CPED1: variants seen among roughly 807,000 people sequenced by gnomAD.
CPED1 encodes the protein cadherin like and PC-esterase domain containing 1, also known as cadherin-like and PC-esterase domain-containing protein 1.
CPED1 carries 114 observed loss-of-function variants against 128.2 expected under a neutral mutation model. The observed-to-expected ratio is 0.89, with a 90% CI of 0.76 to 1.04. The LOEUF is 1.04. Ranked by LOEUF, CPED1 falls within the 50% of genes least tolerant of loss-of-function variation. The pLI, the probability that CPED1 is intolerant of heterozygous loss-of-function variation, is 0.00. For missense variants in CPED1, 1,211 were observed against 1,207.1 expected, an observed-to-expected ratio of 1.00 and a Z score of -0.05; for synonymous variants, 462 against 426.7, an observed-to-expected ratio of 1.08 and a Z score of -1.02.
chr7:120,993,147 A>C (rs1387585249), intron 2 of CPED1, among the ~76,000 whole-genome samples: 3 of 152,244 alleles, frequency 2.0e-5, no homozygotes, highest in Admixed American at 6.5e-5. Context: ...TTTCAATTTA[A>C]TATATAAACA....
chr7:121,038,420 A>G (rs1201780296), intron 3 of CPED1, among the ~76,000 whole-genome samples: 1 of 152,156 alleles, frequency 6.6e-6, no homozygotes, highest in Non-Finnish European at 1.5e-5. Context: ...CATGTTACAT[A>G]AAAAGTAATT....
intron 16 of CPED1, among the ~76,000 whole-genome samples, chr7:121,180,974 T>A (rs904785909): frequency 1.3e-5 from 2 of 152,072 alleles, no homozygotes; most frequent in Non-Finnish European, 2.9e-5. Context: ...GGGCTTCATT[T>A]CATCTCTAAA....
intron 2 of CPED1, chr7:120,994,007 T>C (rs1464247683): frequency 1.4e-5 from 4 of 281,406 alleles, no homozygotes; most frequent in Non-Finnish European, 3.0e-5. Context: ...CAATCAGTAC[T>C]GTGAGTAGGA....
chr7:121,277,040 G>A (rs1029733774), intron 22 of CPED1, among the ~76,000 whole-genome samples: 2 of 152,072 alleles, frequency 1.3e-5, no homozygotes, highest in African/African-American at 4.8e-5. Flanking sequence ...GTGAGAGATT[G>A]TAAAGTTCCA....
intron 16 of CPED1, among the ~76,000 whole-genome samples, chr7:121,235,675 A>G (rs1798236906): frequency 6.6e-6 from 1 of 152,166 alleles, no homozygotes; most frequent in Non-Finnish European, 1.5e-5. Flanking sequence ...CTGGTTCCAT[A>G]TGTGAGTGGA....
chr7:121,118,815 A>G (rs1036918320), intron 7 of CPED1, among the ~76,000 whole-genome samples: 10 of 152,158 alleles, frequency 6.6e-5, no homozygotes, highest in African/African-American at 2.4e-4. Flanking sequence ...TGGTGAAAAC[A>G]GTAGCAAGAG....
At chr7:121,148,426 A>C (rs1186870599) in intron 16 of CPED1, among the ~76,000 whole-genome samples, 1 of 152,174 alleles carries the variant, frequency 6.6e-6, no homozygotes, top group Non-Finnish European at 1.5e-5. Context: ...CCAACCTTGA[A>C]CATAGGTGAT....
At chr7:121,220,450 T>A (rs935329518) in intron 16 of CPED1, among the ~76,000 whole-genome samples, 7 of 152,030 alleles carry the variant, frequency 4.6e-5, no homozygotes, top group African/African-American at 1.7e-4. Flanking sequence ...TACAGGCTGC[T>A]TGTCCTTCAT....
intron 5 of CPED1, among the ~76,000 whole-genome samples, chr7:121,090,827 T>C (rs1467360243): frequency 2.0e-5 from 3 of 151,998 alleles, no homozygotes; most frequent in Non-Finnish European, 4.4e-5. Flanking sequence ...CGGTTGCCTA[T>C]AATCCCAGCT....
intron 18 of CPED1, among the ~76,000 whole-genome samples, chr7:121,263,049 G>A (rs1792051730): frequency 6.6e-6 from 1 of 152,084 alleles, no homozygotes; most frequent in Admixed American, 6.6e-5. Flanking sequence ...CCAGAGCTAT[G>A]TCTGCTAGAT....
Position 120,989,558 on chromosome 7 carries a change from C to CA in CPED1, c.-58dup, listed in dbSNP as rs1181379849. 20 of 1,578,358 alleles carry CA rather than the reference C, an allele frequency of 1.3e-5. No homozygotes were observed. The highest frequency in any genetic ancestry group is 2.2e-5 in the East Asian group (1 of 44,512). ...GACAGATTAGTATTTTTCATGCTGA[C>CA]AAAAAATAGCTGCTATGACTTTTCC... On this transcript the variant is annotated 5_prime_UTR_variant, in exon 2 of 23. An upstream open reading frame in the 5' UTR gains an earlier in-frame stop. Transcript: ENST00000310396.
chr7:121,249,112 C>T (rs181604940), intron 18 of CPED1, among the ~76,000 whole-genome samples: 7 of 152,052 alleles, frequency 4.6e-5, no homozygotes, highest in African/African-American at 1.7e-4. Flanking sequence ...TGAATCAACT[C>T]AAACAAGAAT....
intron 16 of CPED1, among the ~76,000 whole-genome samples, chr7:121,163,233 T>C (rs535531458): frequency 1.3e-5 from 2 of 152,340 alleles, no homozygotes; most frequent in East Asian, 3.9e-4. Flanking sequence ...TGTCATTTCA[T>C]CATTTCTACC....
At chr7:121,196,244 G>T (rs1403277452) in intron 16 of CPED1, among the ~76,000 whole-genome samples, 1 of 151,962 alleles carries the variant, frequency 6.6e-6, no homozygotes, top group Non-Finnish European at 1.5e-5. Flanking sequence ...CTGGGAGCTG[G>T]GGGGAATTGA....
intron 5 of CPED1, among the ~76,000 whole-genome samples, chr7:121,073,706 A>G (rs927349126): frequency 6.6e-6 from 1 of 151,980 alleles, no homozygotes; most frequent in Non-Finnish European, 1.5e-5. Flanking sequence ...CCATGAAATC[A>G]TGAATACTTC....
chr7:121,110,146 C>T (rs1795073582), intron 7 of CPED1, among the ~76,000 whole-genome samples: 1 of 152,124 alleles, frequency 6.6e-6, no homozygotes, highest in Non-Finnish European at 1.5e-5. Context: ...GACCACTTTC[C>T]ATGTCTATAA....
chr7:121,280,585 GC>G (rs1460698860), intron 22 of CPED1, among the ~76,000 whole-genome samples: 1 of 152,132 alleles, frequency 6.6e-6, no homozygotes, highest in Non-Finnish European at 1.5e-5. Flanking sequence ...TTTTAGTCTT[GC>G]CCCCTAATCC....
chr7:121,112,360 C>A (rs920601888), intron 7 of CPED1, among the ~76,000 whole-genome samples: 2 of 152,058 alleles, frequency 1.3e-5, no homozygotes, highest in African/African-American at 4.8e-5. Context: ...AAGAGAAAGT[C>A]AGAGAGAGAT....
intron 2 of CPED1, among the ~76,000 whole-genome samples, chr7:121,011,219 AC>A (rs1271863576): frequency 1.3e-5 from 2 of 152,076 alleles, no homozygotes; most frequent in Admixed American, 1.3e-4. Flanking sequence ...GAAAAAAAAA[AC>A]AAGTTTTATT....
Sources: gnomAD v4.1 joint callset for allele counts (sites outside exome capture counted in the v4.1 genomes callset) on GRCh38, gnomAD v4.1.1 for gene constraint, MANE v1.5 for transcripts, NCBI Gene and HGNC (gene_info 2026-07-23, HGNC 2026-07-21) for gene names.